Variants in BCKDHB observed in about 807,000 individuals in gnomAD.
BCKDHB encodes branched chain keto acid dehydrogenase E1 subunit beta, also known as 2-oxoisovalerate dehydrogenase subunit beta, mitochondrial.
In BCKDHB, 41 loss-of-function variants were observed where a neutral mutation model predicts 48.5. The ratio of observed to expected loss-of-function variants is 0.85; its 90% CI spans 0.66 to 1.10. BCKDHB has a LOEUF of 1.10. Ranked by LOEUF, BCKDHB falls within the 50% of genes least tolerant of loss-of-function variation. The probability of loss-of-function intolerance (pLI) is 0.00; values close to 1 mark genes in which losing one functional copy is unlikely to be tolerated. For missense variants in BCKDHB, 496 were observed against 494.2 expected (o/e 1.00, Z -0.03); for synonymous variants, 201 against 174.8 (o/e 1.15, Z -1.18).
Position 80,106,812 on chromosome 6 carries a change from C to T in BCKDHB, c.119C>T (p.Ala40Val), listed in dbSNP as rs752892659. 5.0e-6 allele frequency: 8 copies of T among 1,607,668 alleles called. No homozygotes were observed. In the South Asian group the frequency reaches 7.8e-5, roughly 16 times the overall value. Reference sequence around the variant, plus strand: ...GCGCGGGGCTTTTTGCACCCCGCCGCGACTGTCGAGGATGCGGCCCAGAGG... The same window carrying T: ...GCGCGGGGCTTTTTGCACCCCGCCGTGACTGTCGAGGATGCGGCCCAGAGG... Reference protein sequence around the residue: ...GLARGFLHPAATVEDAAQRRQ... With the variant: ...GLARGFLHPAVTVEDAAQRRQ... The change falls in exon 1 of 10, where the codon GCG becomes GTG. Residue 40 changes from alanine to valine, a missense_variant. Ala to Val is a moderately conservative substitution (Grantham distance 64). Transcript: ENST00000320393.
At chr6:80,440,404 G>A in the BCKDHB span, among the ~76,000 whole-genome samples, 2 of 152,146 alleles carry the variant, frequency 1.3e-5, no homozygotes, top group African/African-American at 4.8e-5. Context: ...AAGAATCACA[G>A]GAAGAGAATG....
the BCKDHB span, among the ~76,000 whole-genome samples, chr6:80,384,471 G>A: frequency 6.6e-6 from 1 of 151,878 alleles, no homozygotes; most frequent in African/African-American, 2.4e-5. Context: ...CAATTCTCCT[G>A]ACTCAGCCTC....
chr6:80,239,180 T>C (rs553287662), intron 8 of BCKDHB, among the ~76,000 whole-genome samples: 1 of 152,176 alleles, frequency 6.6e-6, no homozygotes, highest in Non-Finnish European at 1.5e-5. Context: ...CACCACACTG[T>C]CTTCTACAAT....
At chr6:80,360,825 G>A in the BCKDHB span, among the ~76,000 whole-genome samples, 1 of 151,836 alleles carries the variant, frequency 6.6e-6, no homozygotes, top group Non-Finnish European at 1.5e-5. Context: ...GGCCAATATG[G>A]TGAAACCCGT....
chr6:80,220,629 T>TGGGA (rs1219486403), intron 8 of BCKDHB, among the ~76,000 whole-genome samples: 2 of 151,868 alleles, frequency 1.3e-5, no homozygotes, highest in African/African-American at 4.8e-5. Flanking sequence ...GGTTAGCAAA[T>TGGGA]GGGATACTCT....
intron 8 of BCKDHB, among the ~76,000 whole-genome samples, chr6:80,207,879 G>C (rs117100943): frequency 0.016 from 2,454 of 151,762 alleles, 29 homozygotes; most frequent in Non-Finnish European, 0.024. Context: ...AGAAAACACA[G>C]AACTCAGAAG....
At chr6:80,302,354 A>G (rs1767628408) in intron 9 of BCKDHB, among the ~76,000 whole-genome samples, 1 of 152,142 alleles carries the variant, frequency 6.6e-6, no homozygotes, top group Admixed American at 6.6e-5. Context: ...TATATACAGT[A>G]ATGTCTAATT....
chr6:80,109,496 A>T (rs1769305448), intron 1 of BCKDHB, among the ~76,000 whole-genome samples: 1 of 152,196 alleles, frequency 6.6e-6, no homozygotes, highest in Non-Finnish European at 1.5e-5. Flanking sequence ...GTTCAAATTT[A>T]TACCCATTTA....
At chr6:80,383,862 TAC>T in the BCKDHB span, among the ~76,000 whole-genome samples, 1 of 152,162 alleles carries the variant, frequency 6.6e-6, no homozygotes, top group Admixed American at 6.5e-5. Flanking sequence ...GTTTTTTATA[TAC>T]ATTCTATCTT....
At chr6:80,369,183 G>T in the BCKDHB span, among the ~76,000 whole-genome samples, 1 of 147,340 alleles carries the variant, frequency 6.8e-6, no homozygotes, top group Non-Finnish European at 1.5e-5. Context: ...TATTTCCAGT[G>T]CTTCCCACTC....
the BCKDHB span, among the ~76,000 whole-genome samples, chr6:80,351,357 A>G: frequency 1.3e-5 from 2 of 151,988 alleles, no homozygotes; most frequent in Non-Finnish European, 2.9e-5. Flanking sequence ...CTCATTCAAA[A>G]CTCAGTTTAA....
intron 8 of BCKDHB, among the ~76,000 whole-genome samples, chr6:80,256,653 A>G (rs1255836802): frequency 6.6e-6 from 1 of 152,188 alleles, no homozygotes; most frequent in Non-Finnish European, 1.5e-5. Flanking sequence ...TTATTTGGAA[A>G]GTTAACAGTC....
At chr6:80,220,927 G>T (rs1208646801) in intron 8 of BCKDHB, among the ~76,000 whole-genome samples, 1 of 151,712 alleles carries the variant, frequency 6.6e-6, no homozygotes, top group African/African-American at 2.4e-5. Context: ...TAGAGACAGG[G>T]TTTCACCATG....
At chr6:80,179,605 C>G (rs1179097651) in intron 6 of BCKDHB, among the ~76,000 whole-genome samples, 3 of 152,096 alleles carry the variant, frequency 2.0e-5, no homozygotes, top group Non-Finnish European at 4.4e-5. Context: ...GAACCAAACC[C>G]CCATGCATAC....
At chr6:80,355,285 A>C in the BCKDHB span, 1 of 150,932 alleles carries the variant, frequency 6.6e-6, no homozygotes, top group Non-Finnish European at 1.5e-5. Flanking sequence ...CTGTAATCCC[A>C]GCTACTTGTG....
Position 80,343,753 on chromosome 6 carries a change from C to T in BCKDHB, c.1128C>T (p.Ile376=), listed in dbSNP as rs1035866627. Residue 376 remains isoleucine (I), a synonymous_variant, in exon 10 of 10, where the codon ATC becomes ATT. Transcript: ENST00000320393. ...PFPHIFEPFY[I]PDKWKCYDAL... ...CTCACATTTTTGAACCATTCTACAT[C>T]CCAGACAAATGGAAGTGTTATGATG... 5 of 1,613,874 alleles carry T rather than the reference C, an allele frequency of 3.1e-6. No individual in the cohort carries two copies. Among genetic ancestry groups the T allele is most frequent in the Non-Finnish European group, 4.2e-6 (5 of 1,179,926 alleles).
intron 8 of BCKDHB, among the ~76,000 whole-genome samples, chr6:80,261,580 A>T (rs772136951): frequency 6.6e-6 from 1 of 152,104 alleles, no homozygotes; most frequent in African/African-American, 2.4e-5. Flanking sequence ...GTAGGGGAAG[A>T]TACCACGAGA....
At chr6:80,178,035 T>C (rs1773245709) in intron 6 of BCKDHB, among the ~76,000 whole-genome samples, 1 of 152,230 alleles carries the variant, frequency 6.6e-6, no homozygotes, top group African/African-American at 2.4e-5. Flanking sequence ...ACATACTCTT[T>C]CCATGCTTAC....
the BCKDHB span, among the ~76,000 whole-genome samples, chr6:80,371,943 C>T: frequency 1.3e-5 from 2 of 151,826 alleles, no homozygotes; most frequent in Non-Finnish European, 2.9e-5. Context: ...CTTTTTGCTT[C>T]ATCTTGCTTT....
Sources: gnomAD v4.1 joint callset for allele counts (sites outside exome capture counted in the v4.1 genomes callset) on GRCh38, gnomAD v4.1.1 for gene constraint, MANE v1.5 for transcripts, NCBI Gene and HGNC (gene_info 2026-07-23, HGNC 2026-07-21) for gene names.